TMEM45B: variants seen among roughly 807,000 people sequenced by gnomAD.
TMEM45B encodes the protein transmembrane protein 45B.
In TMEM45B, 29 loss-of-function variants were observed where a neutral mutation model predicts 27.3. The observed-to-expected ratio is 1.06, with a 90% confidence interval of 0.79 to 1.45. The LOEUF (loss-of-function observed/expected upper bound fraction) is 1.45. TMEM45B is among the 40% of genes most tolerant of loss of function. The pLI is 0.00. For missense variants in TMEM45B, 348 were observed against 343.9 expected (o/e 1.01, Z -0.09); for synonymous variants, 143 against 134.7 (o/e 1.06, Z -0.43).
In TMEM45B at chr11:129,852,597, C is replaced by CT. The variant is rs1435103991; in HGVS notation, c.116dup (p.His40ThrfsTer14). ...TAGCCACACGCGGAAGAACAGCCCACTACATTACTATCAGCGTCTCGAGAT... is the reference window on the plus strand; with the variant it reads ...TAGCCACACGCGGAAGAACAGCCCACTTACATTACTATCAGCGTCTCGAGAT... On this transcript the variant is annotated frameshift_variant, in exon 2 of 6. Coordinates refer to ENST00000281441, the MANE Select transcript of TMEM45B (RefSeq NM_138788.5). LOFTEE classifies it high-confidence loss of function. 2.5e-6 allele frequency: 4 copies of CT among 1,613,392 alleles called. No homozygotes were observed. In the African/African-American group the frequency reaches 5.3e-5, roughly 22 times the overall value.
chr11:129,824,562 T>G (rs1290136119), intron 1 of TMEM45B, among the ~76,000 whole-genome samples: 1 of 152,136 alleles, frequency 6.6e-6, no homozygotes, highest in Non-Finnish European at 1.5e-5. Flanking sequence ...TACCAACAAT[T>G]TTACCAATGG....
chr11:129,817,481 A>G (rs78422667), intron 1 of TMEM45B, among the ~76,000 whole-genome samples: 25 of 152,298 alleles, frequency 1.6e-4, no homozygotes, highest in African/African-American at 5.5e-4. Context: ...AGTGGAGGTG[A>G]CTGAGATAAG....
At chr11:129,822,878 T>C (rs958780456) in intron 1 of TMEM45B, among the ~76,000 whole-genome samples, 2 of 150,700 alleles carry the variant, frequency 1.3e-5, no homozygotes, top group African/African-American at 4.9e-5. Context: ...TCTCACTCTG[T>C]GGCCCAGGCT....
intron 1 of TMEM45B, among the ~76,000 whole-genome samples, chr11:129,829,108 A>T (rs912324257): frequency 1.4e-4 from 21 of 152,232 alleles, no homozygotes; most frequent in African/African-American, 4.6e-4. Context: ...GAGTACTGAG[A>T]TTCACAGACA....
At chr11:129,826,331 C>G (rs905018564) in intron 1 of TMEM45B, among the ~76,000 whole-genome samples, 19 of 151,904 alleles carry the variant, frequency 1.3e-4, no homozygotes, top group African/African-American at 4.6e-4. Context: ...GGGCGGATCA[C>G]GAGGTCAGGA....
At chr11:129,827,381 T>C (rs1259557051) in intron 1 of TMEM45B, among the ~76,000 whole-genome samples, 8 of 152,250 alleles carry the variant, frequency 5.3e-5, no homozygotes, top group Non-Finnish European at 1.2e-4. Context: ...AGGGAGTCTG[T>C]AGGTGTGAGC....
At chr11:129,852,741 T>C (rs1947866516) in intron 2 of TMEM45B, 81 bp downstream of exon 2, 1 of 1,460,404 alleles carries the variant, frequency 6.8e-7, no homozygotes, top group Non-Finnish European at 9.3e-7. Context: ...CCCTGTGAAA[T>C]AGATGTTCCC....
intron 1 of TMEM45B, among the ~76,000 whole-genome samples, chr11:129,832,065 C>CA (rs57336005): frequency 0.021 from 1,217 of 58,590 alleles, 57 homozygotes; most frequent in Middle Eastern, 0.077. Flanking sequence ...GATTCCATCT[C>CA]AAAAAAAAAA....
intron 1 of TMEM45B, among the ~76,000 whole-genome samples, chr11:129,847,051 C>CTGCT: frequency 6.6e-6 from 1 of 152,174 alleles, no homozygotes; most frequent in African/African-American, 2.4e-5. Context: ...ATGATTTCAA[C>CTGCT]AAACGAGTAT....
chr11:129,816,648 G>A (rs566398528), intron 1 of TMEM45B, among the ~76,000 whole-genome samples: 1 of 151,850 alleles, frequency 6.6e-6, no homozygotes, highest in Non-Finnish European at 1.5e-5. Context: ...TTTCAGCCAG[G>A]GAAACGTAGC....
chr11:129,836,522 G>A (rs1947622064), intron 1 of TMEM45B, among the ~76,000 whole-genome samples: 1 of 152,124 alleles, frequency 6.6e-6, no homozygotes, highest in Non-Finnish European at 1.5e-5. Context: ...AAATGTTGAA[G>A]TCTTATCTCC....
chr11:129,842,112 A>C (rs908828621), intron 1 of TMEM45B, among the ~76,000 whole-genome samples: 2 of 152,222 alleles, frequency 1.3e-5, no homozygotes, highest in African/African-American at 4.8e-5. Context: ...GACCAATAGA[A>C]ATGATCCAAT....
At chr11:129,841,656 A>G (rs1591443752) in intron 1 of TMEM45B, among the ~76,000 whole-genome samples, 1 of 140,836 alleles carries the variant, frequency 7.1e-6, no homozygotes, top group Admixed American at 7.6e-5. Flanking sequence ...GAGTGCAGTG[A>G]CGTGATCTCA....
Position 129,850,954 on chromosome 11 carries a change from G to T in TMEM45B, c.-8-1521G>T, listed in dbSNP as rs569361659. Among the ~76,000 whole-genome samples the T allele has an allele frequency of 1.8e-3, 278 of 152,208 alleles. 2 individuals are homozygous for T. The highest frequency in any genetic ancestry group is 5.9e-3 in the African/African-American group (247 of 41,526). On this transcript the variant is annotated intron_variant, in intron 1 of 5. Transcript: ENST00000281441. ...TTTTACATATTTGTTATAACCCCTG[G>T]TTATAAATGTTATAAACTCCTCTGG...
chr11:129,833,258 T>TA lies in TMEM45B; in HGVS notation c.-9+17373dup, dbSNP rs369640189. Among the ~76,000 whole-genome samples the TA allele has an allele frequency of 9.4e-3, 1,238 of 131,650 alleles. 18 individuals carry two copies. The highest frequency in any genetic ancestry group is 0.025 in the African/African-American group (860 of 33,844). 86.4% of individuals were successfully genotyped at this position (131,650 alleles called of 152,430 possible). A position where few individuals can be genotyped will look rare whatever the true frequency, so the allele number is the denominator to read the frequency against. On this transcript the variant is annotated intron_variant, in intron 1 of 5. Coordinates refer to ENST00000281441, the MANE Select transcript of TMEM45B (RefSeq NM_138788.5). ...CTGTCTCAAAAAATAAACAGAAAAA[T>TA]AAAAAAAAAAAAAGGAAATGTAAGT...
chr11:129,823,217 A>G (rs575583045), intron 1 of TMEM45B, among the ~76,000 whole-genome samples: 1 of 152,192 alleles, frequency 6.6e-6, no homozygotes, highest in Non-Finnish European at 1.5e-5. Flanking sequence ...AATCCATGCA[A>G]TTTTTCCCTT....
At chr11:129,832,278 G>A (rs1355034969) in intron 1 of TMEM45B, among the ~76,000 whole-genome samples, 1 of 151,750 alleles carries the variant, frequency 6.6e-6, no homozygotes, top group African/African-American at 2.4e-5. Flanking sequence ...GCTGAGGCAG[G>A]AGAATGGTGT....
chr11:129,839,157 C>T lies in TMEM45B; in HGVS notation c.-8-13318C>T, dbSNP rs541813964. On this transcript the variant is annotated intron_variant, in intron 1 of 5. Transcript: ENST00000281441. ...AGGAGAGAGGGAGGGAGGGAAGGAT[C>T]CAATGATCTCCCTAGATATGAAATA... 1.6e-3 allele frequency among the ~76,000 whole-genome samples: 239 copies of T among 152,252 alleles called. 1 individual carries two copies. The highest frequency in any genetic ancestry group is 4.9e-3 in the African/African-American group (203 of 41,540).
intron 1 of TMEM45B, among the ~76,000 whole-genome samples, chr11:129,847,977 C>A (rs1479078763): frequency 6.6e-6 from 1 of 152,024 alleles, no homozygotes; most frequent in African/African-American, 2.4e-5. Context: ...GGCAGAGACG[C>A]TCCTCACTTC....
Sources: allele counts gnomAD v4.1 joint callset (sites outside exome capture counted in the v4.1 genomes callset), GRCh38; gene constraint gnomAD v4.1.1; transcripts MANE v1.5; gene names NCBI Gene and HGNC (gene_info 2026-07-23, HGNC 2026-07-21).